DMRT1: variants seen among roughly 807,000 people sequenced by gnomAD.
DMRT1 encodes the protein doublesex- and mab-3-related transcription factor 1.
A neutral mutation model predicts 32.3 loss-of-function variants in DMRT1; 7 were observed. The observed-to-expected ratio is 0.22, with a 90% confidence interval of 0.12 to 0.41. The LOEUF (loss-of-function observed/expected upper bound fraction) is 0.41. Among genes scored for constraint, DMRT1 ranks in the 10% least tolerant of loss-of-function variants. The pLI, the probability that DMRT1 is intolerant of heterozygous loss-of-function variation, is 1.00. For synonymous variants in DMRT1, 278 were observed against 206.1 expected, an observed-to-expected ratio of 1.35 and a Z score of -2.99; for missense variants, 625 against 500.5, an observed-to-expected ratio of 1.25 and a Z score of -2.37.
chr9:917,465 C>G (rs1311781123), intron 4 of DMRT1, among the ~76,000 whole-genome samples: 1 of 152,214 alleles, frequency 6.6e-6, no homozygotes, highest in Non-Finnish European at 1.5e-5. Context: ...AGTAACTCGA[C>G]TTCAATTTTA....
chr9:857,955 C>G (rs978928396), intron 2 of DMRT1, among the ~76,000 whole-genome samples: 2 of 151,954 alleles, frequency 1.3e-5, no homozygotes, highest in African/African-American at 4.8e-5. Flanking sequence ...AGGACATGAA[C>G]TCATCCTTTT....
chr9:892,952 C>T (rs56358925), intron 2 of DMRT1, among the ~76,000 whole-genome samples: 5 of 152,034 alleles, frequency 3.3e-5, no homozygotes, highest in Admixed American at 1.3e-4. Context: ...CACCTGTGTC[C>T]TGCATCTTTT....
chr9:914,179 C>CA (rs1295534474), intron 3 of DMRT1, among the ~76,000 whole-genome samples: 2 of 152,146 alleles, frequency 1.3e-5, no homozygotes, highest in African/African-American at 4.8e-5. Flanking sequence ...TTAGTGGCTT[C>CA]TTAATGGGCT....
intron 2 of DMRT1, among the ~76,000 whole-genome samples, chr9:873,368 C>G (rs1816356818): frequency 6.6e-6 from 1 of 151,494 alleles, no homozygotes; most frequent in Non-Finnish European, 1.5e-5. Context: ...TGCAGTGGCG[C>G]AATCTTGGCT....
At chr9:911,103 C>G (rs372162629) in intron 3 of DMRT1, among the ~76,000 whole-genome samples, 56 of 152,256 alleles carry the variant, frequency 3.7e-4, no homozygotes, top group African/African-American at 1.3e-3. Context: ...GGGAGCTTCT[C>G]ACCTTGGCGC....
intron 4 of DMRT1, among the ~76,000 whole-genome samples, chr9:927,694 G>A (rs766178609): frequency 4.0e-4 from 61 of 152,156 alleles, no homozygotes; most frequent in African/African-American, 1.3e-3. Flanking sequence ...TTCCAAATGC[G>A]CTTCCTGGTG....
chr9:956,317 T>G (rs761991131), intron 4 of DMRT1, among the ~76,000 whole-genome samples: 1 of 152,078 alleles, frequency 6.6e-6, no homozygotes, highest in Non-Finnish European at 1.5e-5. Flanking sequence ...AATTTCAGTT[T>G]GGGAAGATGA....
chr9:927,340 C>T (rs948370175), intron 4 of DMRT1, among the ~76,000 whole-genome samples: 4 of 152,348 alleles, frequency 2.6e-5, no homozygotes, highest in African/African-American at 7.2e-5. Flanking sequence ...CGTGCCTGGG[C>T]GGTGAAGTGT....
intron 3 of DMRT1, among the ~76,000 whole-genome samples, chr9:914,859 G>A (rs1818119644): frequency 6.6e-6 from 1 of 152,088 alleles, no homozygotes; most frequent in Non-Finnish European, 1.5e-5. Flanking sequence ...CAGAAATCAG[G>A]GACTTAGCTC....
intron 4 of DMRT1, among the ~76,000 whole-genome samples, chr9:954,346 G>C (rs1647771209): frequency 6.6e-6 from 1 of 152,044 alleles, no homozygotes. Context: ...TAGCAGAGAA[G>C]GCGCGAGGGG....
Position 878,927 on chromosome 9 carries a change from C to T in DMRT1, c.539-14985C>T, listed in dbSNP as rs558224586. Among the ~76,000 whole-genome samples the T allele has an allele frequency of 2.0e-5, 3 of 152,260 alleles. No individual in the cohort carries two copies. In the East Asian group the frequency reaches 5.8e-4, roughly 29 times the overall value. ...CATGGCATTAGATTTCAGATCCGAT[C>T]AATTACTTTTGCTTGGGACCAGTGC... On this transcript the variant is annotated intron_variant, in intron 2 of 4. Transcript: ENST00000382276.
At chr9:872,948 C>T (rs1816336530) in intron 2 of DMRT1, among the ~76,000 whole-genome samples, 2 of 152,132 alleles carry the variant, frequency 1.3e-5, no homozygotes, top group Admixed American at 1.3e-4. Context: ...GACGATGTCC[C>T]CCCACATTAA....
At chr9:951,289 G>T (rs1819419704) in intron 4 of DMRT1, among the ~76,000 whole-genome samples, 1 of 151,146 alleles carries the variant, frequency 6.6e-6, no homozygotes, top group African/African-American at 2.5e-5. Context: ...CAGAGTTAAA[G>T]AAAAATGATT....
In DMRT1 at chr9:842,036, G is replaced by A. The variant is rs1838706448; in HGVS notation, c.198G>A (p.Gly66=). ...CCGGGGCGTCGGACCTGGGTGCCGG[G>A]AGCAAGAAGTCCCCGCGGCTGCCCA... is the stretch of plus-strand genomic sequence containing the variant. ...SGSGASDLGA[G]SKKSPRLPKC... The change falls in exon 1 of 5, where the codon GGG becomes GGA. Residue 66 remains glycine (G), a synonymous_variant. Transcript: ENST00000382276. 1 of 1,547,146 alleles carries A rather than the reference G, an allele frequency of 6.5e-7. No individual in the cohort carries two copies. The highest frequency in any genetic ancestry group is 1.9e-5 in the Admixed American group (1 of 51,394).
intron 3 of DMRT1, among the ~76,000 whole-genome samples, chr9:896,584 G>T (rs896456929): frequency 2.6e-5 from 4 of 152,146 alleles, no homozygotes; most frequent in African/African-American, 9.7e-5. Flanking sequence ...GGAGGCCGAG[G>T]CGGGTGGATC....
At chr9:851,318 A>C (rs1193738927) in intron 2 of DMRT1, among the ~76,000 whole-genome samples, 1 of 151,984 alleles carries the variant, frequency 6.6e-6, no homozygotes, top group African/African-American at 2.4e-5. Context: ...GGCTCACTGC[A>C]ACCTCCACCT....
chr9:933,187 G>T (rs1818782296), intron 4 of DMRT1, among the ~76,000 whole-genome samples: 1 of 152,140 alleles, frequency 6.6e-6, no homozygotes. Flanking sequence ...AAAGTGCTGG[G>T]ATTACAGGTG....
chr9:857,988 G>A (rs144276117), intron 2 of DMRT1, among the ~76,000 whole-genome samples: 3,441 of 151,952 alleles, frequency 0.023, 123 homozygotes, highest in African/African-American at 0.079. Context: ...AGTATTCCAT[G>A]GTGTATATGT....
In DMRT1 at chr9:841,916, C is replaced by G. The variant is rs376388269; in HGVS notation, c.78C>G (p.Gly26=). The part of the protein sequence containing the change: ...APHAPGVPPQ[G]RAGGFGKASG... ...ACGCCCCCGGGGTACCGCCGCAGGG[C>G]AGAGCCGGGGGCTTTGGCAAAGCGT... is the stretch of plus-strand genomic sequence containing the variant. The change falls in exon 1 of 5, where the codon GGC becomes GGG. Residue 26 remains glycine (G), a synonymous_variant. Coordinates refer to ENST00000382276, the MANE Select transcript of DMRT1 (RefSeq NM_021951.3). 2.5e-5 allele frequency: 41 copies of G among 1,609,022 alleles called. No individual in the cohort carries two copies. The highest frequency in any genetic ancestry group is 3.3e-5 in the Non-Finnish European group (39 of 1,177,872).
Sources: gnomAD v4.1 joint callset for allele counts (sites outside exome capture counted in the v4.1 genomes callset) on GRCh38, gnomAD v4.1.1 for gene constraint, MANE v1.5 for transcripts, NCBI Gene and HGNC (gene_info 2026-07-23, HGNC 2026-07-21) for gene names.